The following CA5B variants were observed in gnomAD, a reference collection of about 807,000 sequenced individuals.
CA5B encodes carbonic anhydrase 5B, also known as carbonic anhydrase 5B, mitochondrial.
In CA5B, 15 loss-of-function variants were observed where a neutral mutation model predicts 23.1. The ratio of observed to expected loss-of-function variants is 0.65; its 90% CI spans 0.43 to 1.00. The LOEUF is 1.00. CA5B is among the 50% of genes least tolerant of loss of function. The pLI is 0.00. For synonymous variants in CA5B, 84 were observed against 98.5 expected (o/e 0.85, Z 0.87); for missense variants, 236 against 252.2 (o/e 0.94, Z 0.43).
intron 6 of CA5B, chrX:15,775,544 T>C: frequency 1.1e-6 from 1 of 903,438 alleles, no homozygotes; most frequent in Middle Eastern, 5.0e-4. Context: ...AGGAACATAT[T>C]GCTGTCCCCT....
At chrX:15,742,227 A>T (rs1414164586) in intron 1 of CA5B, among the ~76,000 whole-genome samples, 1 of 112,622 alleles carries the variant, frequency 8.9e-6, no homozygotes, top group Non-Finnish European at 1.9e-5. Flanking sequence ...CTCCACTGTG[A>T]CATCTCTGGA....
At chrX:15,742,440 C>G (rs1186876726) in intron 1 of CA5B, among the ~76,000 whole-genome samples, 1 of 112,502 alleles carries the variant, frequency 8.9e-6, no homozygotes, top group Non-Finnish European at 1.9e-5. Flanking sequence ...GTGGCGCAAT[C>G]TCAGCTCACT....
At chrX:15,768,198 C>T (rs998637604) in intron 3 of CA5B, among the ~76,000 whole-genome samples, 8 of 110,477 alleles carry the variant, frequency 7.2e-5, no homozygotes, top group East Asian at 5.7e-4. Flanking sequence ...CTCCCAGCTC[C>T]GGCAAATTTT....
At chrX:15,744,709 C>T (rs1189181252) in intron 1 of CA5B, among the ~76,000 whole-genome samples, 1 of 110,982 alleles carries the variant, frequency 9.0e-6, no homozygotes, top group Non-Finnish European at 1.9e-5. Context: ...CTCATCATCG[C>T]GGAAGGTTCC....
chrX:15,761,985 C>T (rs145846287), intron 2 of CA5B, among the ~76,000 whole-genome samples: 3,007 of 111,939 alleles, frequency 0.027, 86 homozygotes, highest in African/African-American at 0.093. Context: ...TACTGACTTA[C>T]GGTCAGGCGC....
intron 2 of CA5B, among the ~76,000 whole-genome samples, chrX:15,752,640 G>C (rs933817782): frequency 9.1e-6 from 1 of 110,474 alleles, no homozygotes; most frequent in Non-Finnish European, 1.9e-5. Context: ...CATGAGAATG[G>C]CGTGAACCCG....
rs1199953356 is a variant in CA5B, at chrX:15,775,264, G to C, written c.574G>C (p.Glu192Gln). The C allele has an allele frequency of 8.4e-7, 1 of 1,196,741 alleles. No individual in the cohort carries two copies. Among genetic ancestry groups the C allele is most frequent in the African/African-American group, 1.8e-5 (1 of 57,108 alleles). Reference sequence around the variant, plus strand: ...TCTTTAGCTAGGCAAACATCATAAGGAGCTACAGAAATTAGTGGATACTTT... The same window carrying C: ...TCTTTAGCTAGGCAAACATCATAAGCAGCTACAGAAATTAGTGGATACTTT... Reference protein sequence around the residue: ...VFLKLGKHHKELQKLVDTLPS... With the variant: ...VFLKLGKHHKQLQKLVDTLPS... The change falls in exon 6 of 8, where the codon GAG becomes CAG. Residue 192 changes from glutamate (E) to glutamine (Q), a missense_variant. By Grantham distance (29) the Glu-to-Gln change is conservative. Around this residue, in one of 3 missense-constraint regions of CA5B, gnomAD observed 170 missense variants for 162.0 expected, o/e 1.05. Transcript: ENST00000318636.
intron 5 of CA5B, 70 bp from the exon 6 acceptor site, chrX:15,775,176 C>T: frequency 1.2e-6 from 1 of 807,833 alleles, no homozygotes; most frequent in South Asian, 2.8e-5. Flanking sequence ...AATTTTAATT[C>T]ACATTCTGTT....
chrX:15,788,305 G>A lies in CA5B; in HGVS notation c.*5641G>A, dbSNP rs1258671339. On this transcript the variant is annotated 3_prime_UTR_variant, in exon 8 of 8. Coordinates refer to ENST00000318636, the MANE Select transcript of CA5B (RefSeq NM_007220.4). ...CTAATGATGATGGTGATGAGATGAT[G>A]TAACAGCTAAAGTTTTGGAGGCATT... The A allele has an allele frequency of 8.9e-6, 1 of 112,223 alleles. No individual in the cohort carries two copies. 9.2% of individuals were successfully genotyped at this position (112,223 alleles called of 1,213,427 possible).
chrX:15,779,566 G>T (rs1931985285), intron 7 of CA5B, among the ~76,000 whole-genome samples: 1 of 111,988 alleles, frequency 8.9e-6, no homozygotes, highest in African/African-American at 3.2e-5. Flanking sequence ...AACTCAGTAG[G>T]CAGGAAAGAT....
intron 2 of CA5B, among the ~76,000 whole-genome samples, chrX:15,764,197 A>G (rs758262390): frequency 9.0e-6 from 1 of 110,673 alleles, no homozygotes; most frequent in South Asian, 3.8e-4. Context: ...TAAGGCTTTT[A>G]GTTTCCATTA....
At chrX:15,745,183 AAAAAG>A (rs58217589) in intron 1 of CA5B, among the ~76,000 whole-genome samples, 1,633 of 86,511 alleles carry the variant, frequency 0.019, 25 homozygotes, top group African/African-American at 0.06. Context: ...AAAAAAAAAA[AAAAAG>A]AAAAGAAAAG....
chrX:15,776,359 A>G (rs959936312), intron 6 of CA5B, among the ~76,000 whole-genome samples: 1 of 104,228 alleles, frequency 9.6e-6, no homozygotes, highest in African/African-American at 3.5e-5. Context: ...AAAAAAAAAG[A>G]AAAAAGAAAA....
In CA5B at chrX:15,752,582, A is replaced by G. The variant is rs766403608; in HGVS notation, c.142+2417A>G. ...CTACTAAAAATACAGAAAATTAGCC[A>G]GGCGTGGTGGTGGGCGCCTGCAGTC... is the stretch of plus-strand genomic sequence containing the variant. On this transcript the variant is annotated intron_variant, in intron 2 of 7. Transcript: ENST00000318636. Among the ~76,000 whole-genome samples the G allele has an allele frequency of 6.8e-3, 757 of 111,096 alleles. 8 individuals carry two copies. Among genetic ancestry groups the G allele is most frequent in the African/African-American group, 0.022 (678 of 30,565 alleles).
At chrX:15,748,886 T>C (rs185459272) in intron 1 of CA5B, among the ~76,000 whole-genome samples, 10 of 110,761 alleles carry the variant, frequency 9.0e-5, no homozygotes, top group Non-Finnish European at 1.9e-4. Context: ...CCTATCTCTA[T>C]GAAAAATACA....
rs1329708309 is a variant in CA5B at position 15,784,485 on chromosome X, C to G, written c.*1821C>G. 2 of 112,184 alleles carry G rather than the reference C, an allele frequency of 1.8e-5. No homozygotes were observed. Among genetic ancestry groups the G allele is most frequent in the Non-Finnish European group, 3.8e-5 (2 of 53,271 alleles). The allele number at this position is 112,184 out of a possible 1,213,427, so 9.2% of individuals were successfully genotyped here. Reference sequence around the variant, plus strand: ...TAAAATCTAGATAATTCTACATATTCTGAGGAATTCATGCTCCTGTGGCTC... The same window carrying G: ...TAAAATCTAGATAATTCTACATATTGTGAGGAATTCATGCTCCTGTGGCTC... On this transcript the variant is annotated 3_prime_UTR_variant, in exon 8 of 8. Transcript: ENST00000318636.
At position 15,788,354 on chromosome X, in the gene CA5B, G is replaced by C. The variant is rs1932152473; in HGVS notation, c.*5690G>C. ...TTCACTATTGCTAGGCACTGTATCA[G>C]CATATAACATGGCTTATCTTACTCA... On this transcript the variant is annotated 3_prime_UTR_variant, in exon 8 of 8. Coordinates refer to ENST00000318636, the MANE Select transcript of CA5B (RefSeq NM_007220.4). 8.9e-6 allele frequency: 1 copy of C among 111,997 alleles called. No individual in the cohort carries two copies. Among genetic ancestry groups the C allele is most frequent in the South Asian group, 3.7e-4 (1 of 2,700 alleles). 9.2% of individuals were successfully genotyped at this position (111,997 alleles called of 1,213,427 possible).
At chrX:15,749,129 T>G (rs971042756) in intron 1 of CA5B, among the ~76,000 whole-genome samples, 11 of 111,760 alleles carry the variant, frequency 9.8e-5, no homozygotes, top group African/African-American at 3.6e-4. Context: ...TGTAGTGGAA[T>G]GAATGTGTAA....
chrX:15,763,219 T>C (rs770505914), intron 2 of CA5B, among the ~76,000 whole-genome samples: 9 of 112,209 alleles, frequency 8.0e-5, no homozygotes, highest in Non-Finnish European at 1.5e-4. Flanking sequence ...TACGCAAGCC[T>C]TTTTTTCTAC....
Sources: gnomAD v4.1 joint callset for allele counts (sites outside exome capture counted in the v4.1 genomes callset) on GRCh38, gnomAD v4.1.1 for gene constraint, gnomAD v4.1.1 regional missense constraint, MANE v1.5 for transcripts, NCBI Gene and HGNC (gene_info 2026-07-23, HGNC 2026-07-21) for gene names.